The following PLCB1 variants were observed in gnomAD, a reference collection of about 807,000 sequenced individuals.
PLCB1 encodes 1-phosphatidylinositol 4,5-bisphosphate phosphodiesterase beta-1.
In PLCB1, 46 loss-of-function variants were observed where a neutral mutation model predicts 161.8. The ratio of observed to expected loss-of-function variants is 0.28; its 90% CI spans 0.22 to 0.36. The LOEUF is 0.36. Ranked by LOEUF, PLCB1 falls within the 10% of genes least tolerant of loss-of-function variation. PLCB1 has a pLI of 1.00. For missense variants in PLCB1, 1,016 were observed against 1,472.5 expected (o/e 0.69, Z 5.07); for synonymous variants, 517 against 503.7 (o/e 1.03, Z -0.35).
chr20:8,307,739 T>G (rs1402311914), intron 2 of PLCB1, among the ~76,000 whole-genome samples: 1 of 151,980 alleles, frequency 6.6e-6, no homozygotes, highest in African/African-American at 2.4e-5. Flanking sequence ...TGGTCCAACA[T>G]GGTAAAACCC....
chr20:8,611,811 T>C (rs1408430631), intron 3 of PLCB1, among the ~76,000 whole-genome samples: 1 of 152,018 alleles, frequency 6.6e-6, no homozygotes, highest in Non-Finnish European at 1.5e-5. Flanking sequence ...CTGGGCATGG[T>C]GGTTCATGCC....
intron 2 of PLCB1, among the ~76,000 whole-genome samples, chr20:8,273,858 C>G (rs75521925): frequency 2.0e-5 from 3 of 152,104 alleles, no homozygotes; most frequent in Admixed American, 2.0e-4. Flanking sequence ...TTCTGATGTT[C>G]CCTCTTCCAT....
rs138287554 is a variant in PLCB1 at position 8,298,462 on chromosome 20, A to G, written c.178-72920A>G. Reference sequence around the variant, plus strand: ...ACATATTTTTCTTGTTCCTCAAGCTACTCATTATTATCTTGATAATATTTC... The same window carrying G: ...ACATATTTTTCTTGTTCCTCAAGCTGCTCATTATTATCTTGATAATATTTC... On this transcript the variant is annotated intron_variant, in intron 2 of 31. Transcript: ENST00000338037. 4.9e-4 allele frequency among the ~76,000 whole-genome samples: 75 copies of G among 152,156 alleles called. 2 individuals carry two copies. The East Asian group carries it at 0.013, about 26-fold the overall frequency.
At chr20:8,376,416 A>C (rs1314637993) in intron 3 of PLCB1, among the ~76,000 whole-genome samples, 1 of 152,214 alleles carries the variant, frequency 6.6e-6, no homozygotes, top group Non-Finnish European at 1.5e-5. Context: ...TTTCTTTCCT[A>C]ATCTCTACAT....
chr20:8,780,905 A>T (rs1484581240), intron 27 of PLCB1, among the ~76,000 whole-genome samples: 1 of 152,236 alleles, frequency 6.6e-6, no homozygotes, highest in East Asian at 1.9e-4. Flanking sequence ...ATGCACCTAA[A>T]ATATTGTTTT....
intron 31 of PLCB1, among the ~76,000 whole-genome samples, chr20:8,864,357 G>A (rs533157662): frequency 2.0e-5 from 3 of 152,212 alleles, no homozygotes; most frequent in African/African-American, 7.2e-5. Flanking sequence ...CATGTATATT[G>A]CAGTATACCA....
chr20:8,404,206 C>T (rs1978689751), intron 3 of PLCB1, among the ~76,000 whole-genome samples: 1 of 152,158 alleles, frequency 6.6e-6, no homozygotes, highest in South Asian at 2.1e-4. Flanking sequence ...AATAAATGCT[C>T]TGTTCTAAGA....
intron 2 of PLCB1, among the ~76,000 whole-genome samples, chr20:8,194,502 C>G (rs2052002653): frequency 6.6e-6 from 1 of 151,966 alleles, no homozygotes; most frequent in Admixed American, 6.6e-5. Flanking sequence ...TATGCAGAAT[C>G]TCAATCATGG....
rs1337182242 is a variant in PLCB1, at chr20:8,563,081, C to T, written c.247-65213C>T. Among the ~76,000 whole-genome samples, 4 of 151,978 alleles carry T rather than the reference C, an allele frequency of 2.6e-5. No homozygotes were observed. In the East Asian group the frequency reaches 7.7e-4, roughly 29 times the overall value. On this transcript the variant is annotated intron_variant, in intron 3 of 31. Coordinates refer to ENST00000338037, the MANE Select transcript of PLCB1 (RefSeq NM_015192.4). ...AGATGTATGATACTGACAGCCAAAA[C>T]AGTATGCATATTATGATAAATCACT...
chr20:8,548,659 A>G (rs1422787416), intron 3 of PLCB1, among the ~76,000 whole-genome samples: 1 of 152,116 alleles, frequency 6.6e-6, no homozygotes, highest in Admixed American at 6.6e-5. Flanking sequence ...TGTATTTCAG[A>G]TCACTTATTT....
intron 2 of PLCB1, chr20:8,257,010 A>G (rs1282929690): frequency 6.6e-6 from 1 of 152,186 alleles, no homozygotes; most frequent in Non-Finnish European, 1.5e-5. Flanking sequence ...GTATGGGTAA[A>G]TGGAACTGTA....
Position 8,445,400 on chromosome 20 carries a change from G to A in PLCB1, c.246+73950G>A, listed in dbSNP as rs1282435993. Among the ~76,000 whole-genome samples the A allele has an allele frequency of 3.3e-5, 5 of 152,094 alleles. No homozygotes were observed. The South Asian group carries it at 8.3e-4, about 25-fold the overall frequency. On this transcript the variant is annotated intron_variant, in intron 3 of 31. Coordinates refer to ENST00000338037, the MANE Select transcript of PLCB1 (RefSeq NM_015192.4). ...CTGAGGGCTCTGTTCTGTTCCATTGGTCTATATCTCTGTTTTGGTACCAGT... is the reference window on the plus strand; with the variant it reads ...CTGAGGGCTCTGTTCTGTTCCATTGATCTATATCTCTGTTTTGGTACCAGT...
chr20:8,431,433 C>A (rs1187811014), intron 3 of PLCB1, among the ~76,000 whole-genome samples: 1 of 152,140 alleles, frequency 6.6e-6, no homozygotes, highest in Non-Finnish European at 1.5e-5. Context: ...GAAAAGAATT[C>A]TTTCGGACAA....
At chr20:8,817,056 G>A (rs1568610898) in intron 31 of PLCB1, among the ~76,000 whole-genome samples, 1 of 152,160 alleles carries the variant, frequency 6.6e-6, no homozygotes, top group East Asian at 1.9e-4. Context: ...GAATTACAGT[G>A]ATTCTGAAGC....
chr20:8,169,002 A>G (rs1487481179), intron 2 of PLCB1, among the ~76,000 whole-genome samples: 1 of 152,098 alleles, frequency 6.6e-6, no homozygotes, highest in Non-Finnish European at 1.5e-5. Flanking sequence ...GATTTTGTCA[A>G]TGAAGCATGA....
chr20:8,563,793 G>A (rs780936255), intron 3 of PLCB1, among the ~76,000 whole-genome samples: 10 of 152,080 alleles, frequency 6.6e-5, no homozygotes, highest in Non-Finnish European at 1.5e-4. Flanking sequence ...TACAAGGGAT[G>A]TGAAGGACCC....
chr20:8,359,626 G>T (rs149850952), intron 2 of PLCB1, among the ~76,000 whole-genome samples: 156 of 152,218 alleles, frequency 1.0e-3, no homozygotes, highest in African/African-American at 3.4e-3. Context: ...CCATTTGCAC[G>T]TTAGATTACA....
At chr20:8,239,952 G>A (rs1031363566) in intron 2 of PLCB1, among the ~76,000 whole-genome samples, 2 of 151,884 alleles carry the variant, frequency 1.3e-5, no homozygotes, top group African/African-American at 4.8e-5. Context: ...CTTTTAAGAC[G>A]ATAGGTAATT....
chr20:8,585,114 C>T (rs1295639389), intron 3 of PLCB1, among the ~76,000 whole-genome samples: 1 of 152,172 alleles, frequency 6.6e-6, no homozygotes. Context: ...GCCAGGGTCT[C>T]ATTGTGATCC....
Sources: gnomAD v4.1 joint callset for allele counts (sites outside exome capture counted in the v4.1 genomes callset) on GRCh38, gnomAD v4.1.1 for gene constraint, MANE v1.5 for transcripts, NCBI Gene and HGNC (gene_info 2026-07-23, HGNC 2026-07-21) for gene names.